CUL5: variants seen among roughly 807,000 people sequenced by gnomAD.
CUL5 encodes the protein cullin-5.
In CUL5, 26 loss-of-function variants were observed where a neutral mutation model predicts 108.8. The observed-to-expected ratio is 0.24, with a 90% CI of 0.18 to 0.33. The LOEUF (loss-of-function observed/expected upper bound fraction) is 0.33, where lower values mean the gene tolerates loss of function less well. Ranked by LOEUF, CUL5 falls within the 10% of genes least tolerant of loss-of-function variation. The pLI, the probability that CUL5 is intolerant of heterozygous loss-of-function variation, is 1.00. For synonymous variants in CUL5, 334 were observed against 298.0 expected (o/e 1.12, Z -1.25); for missense variants, 524 against 909.2 (o/e 0.58, Z 5.45).
intron 11 of CUL5, among the ~76,000 whole-genome samples, chr11:108,081,645 G>A (rs1285210935): frequency 6.6e-6 from 1 of 152,050 alleles, no homozygotes; most frequent in East Asian, 1.9e-4. Flanking sequence ...CCAGCTACTC[G>A]GGAGGCTGAG....
intron 1 of CUL5, among the ~76,000 whole-genome samples, chr11:108,019,677 C>T (rs1862282739): frequency 6.6e-6 from 1 of 152,012 alleles, no homozygotes; most frequent in African/African-American, 2.4e-5. Context: ...AAGTCTAGCA[C>T]ATATAATTGT....
intron 1 of CUL5, among the ~76,000 whole-genome samples, chr11:108,027,655 C>T (rs893959394): frequency 4.6e-5 from 7 of 152,090 alleles, no homozygotes; most frequent in South Asian, 2.1e-4. Flanking sequence ...GTGACCCGCC[C>T]GCCTCAGCCT....
chr11:108,059,089 T>C (rs938389256), intron 7 of CUL5, among the ~76,000 whole-genome samples: 4 of 152,218 alleles, frequency 2.6e-5, no homozygotes, highest in African/African-American at 7.2e-5. Flanking sequence ...CATAGTGCAC[T>C]GCATTCTCGA....
At chr11:108,048,571 A>G (rs1050174928) in intron 3 of CUL5, among the ~76,000 whole-genome samples, 3 of 150,850 alleles carry the variant, frequency 2.0e-5, no homozygotes, top group Admixed American at 6.6e-5. Flanking sequence ...TCACTGTTAC[A>G]TCGGTGGCAT....
chr11:108,072,785 C>G (rs189343870), intron 9 of CUL5, among the ~76,000 whole-genome samples: 25 of 152,108 alleles, frequency 1.6e-4, no homozygotes, highest in Admixed American at 4.6e-4. Context: ...TATATACATG[C>G]ATTGAAATAT....
intron 7 of CUL5, among the ~76,000 whole-genome samples, chr11:108,064,121 T>C (rs11212501): frequency 6.6e-6 from 1 of 152,302 alleles, no homozygotes; most frequent in East Asian, 1.9e-4. Context: ...AGAAGAAAGA[T>C]TTTTAGTTTT....
At chr11:108,077,636 A>AG (rs957537622) in intron 10 of CUL5, among the ~76,000 whole-genome samples, 13 of 151,170 alleles carry the variant, frequency 8.6e-5, no homozygotes, top group Non-Finnish European at 1.8e-4. Context: ...TCTCCAAAAA[A>AG]AAAAAAAGAA....
rs770834911 is a variant in CUL5, at chr11:108,054,982, T to G, written c.780+27T>G. ...TAAGTAATTTTGTAATTGTACATTTTATGGGATTATTTGAAATACGGAAGC... is the reference window on the plus strand; with the variant it reads ...TAAGTAATTTTGTAATTGTACATTTGATGGGATTATTTGAAATACGGAAGC... On this transcript the variant is annotated intron_variant, in intron 7 of 18. Transcript: ENST00000393094. 6.2e-6 allele frequency: 9 copies of G among 1,461,156 alleles called. No homozygotes were observed. In the South Asian group the frequency reaches 1.1e-4, roughly 18 times the overall value. 90.5% of individuals were successfully genotyped at this position (1,461,156 alleles called of 1,614,324 possible).
intron 14 of CUL5, 79 bp downstream of exon 14, chr11:108,094,593 C>T: frequency 1.1e-6 from 1 of 942,380 alleles, no homozygotes; most frequent in Admixed American, 3.3e-5. Context: ...AAAAATAAAC[C>T]TCAGCAGTAA....
Position 108,009,159 on chromosome 11 carries a change from G to A in CUL5, c.-190G>A, listed in dbSNP as rs896367710. The A allele has an allele frequency of 7.9e-6, 5 of 632,870 alleles. No individual in the cohort carries two copies. The highest frequency in any genetic ancestry group is 3.7e-5 in the African/African-American group (2 of 54,058). 39.2% of individuals were successfully genotyped at this position (632,870 alleles called of 1,614,324 possible). A position where few individuals can be genotyped will look rare whatever the true frequency, so the allele number is the denominator to read the frequency against. On this transcript the variant is annotated 5_prime_UTR_variant, in exon 1 of 19. Transcript: ENST00000393094. ...GGGAAGCTCCGGTGACCATGTAGGG[G>A]AGAAGAGTGAGGAAGCTCCTGGTGC...
chr11:108,064,711 AAAAACAAAAAC>A (rs1465928101), intron 7 of CUL5, among the ~76,000 whole-genome samples: 1 of 152,144 alleles, frequency 6.6e-6, no homozygotes, highest in East Asian at 1.9e-4. Context: ...CTCTGTCTCA[AAAAACAAAAAC>A]AAAACAAAAC....
chr11:108,011,624 T>C (rs1221953290), intron 1 of CUL5, among the ~76,000 whole-genome samples: 2 of 151,772 alleles, frequency 1.3e-5, no homozygotes, highest in Non-Finnish European at 2.9e-5. Context: ...TTTCTTTCTT[T>C]TTAATTTTTT....
intron 18 of CUL5, among the ~76,000 whole-genome samples, chr11:108,103,818 T>A (rs1322285729): frequency 2.0e-5 from 3 of 152,206 alleles, no homozygotes; most frequent in African/African-American, 2.4e-5. Flanking sequence ...AGATTTTTTT[T>A]AAATACATAC....
At chr11:108,082,752 A>C (rs1237231905) in intron 11 of CUL5, among the ~76,000 whole-genome samples, 9 of 150,916 alleles carry the variant, frequency 6.0e-5, no homozygotes, top group Non-Finnish European at 1.0e-4. Context: ...TCAAGCCTCC[A>C]CCTTCTGAGT....
intron 16 of CUL5, among the ~76,000 whole-genome samples, chr11:108,096,564 CTTTTT>C (rs71047671): frequency 8.7e-5 from 4 of 45,820 alleles, no homozygotes; most frequent in Admixed American, 4.1e-4. Flanking sequence ...CAGCTATGTA[CTTTTT>C]TTTTTTTTTT....
intron 13 of CUL5, among the ~76,000 whole-genome samples, chr11:108,091,160 T>A (rs1340656471): frequency 1.3e-5 from 2 of 152,022 alleles, no homozygotes; most frequent in Non-Finnish European, 2.9e-5. Context: ...CAAGCAATTC[T>A]CCTGTCTCAG....
chr11:108,050,090 T>C (rs772467577), intron 4 of CUL5, 24 bp downstream of exon 4: 6 of 1,536,352 alleles, frequency 3.9e-6, no homozygotes, highest in Non-Finnish European at 5.3e-6. Context: ...TCTCCTTGTT[T>C]TCCTAATATT....
At chr11:108,065,250 C>T (rs1041418521) in intron 7 of CUL5, among the ~76,000 whole-genome samples, 4 of 152,184 alleles carry the variant, frequency 2.6e-5, no homozygotes, top group Middle Eastern at 3.4e-3. Context: ...TGGTCTCTCT[C>T]CTGACCTCAT....
intron 3 of CUL5, among the ~76,000 whole-genome samples, chr11:108,047,049 A>T (rs989424178): frequency 6.6e-6 from 1 of 151,996 alleles, no homozygotes; most frequent in South Asian, 2.1e-4. Context: ...AGGGCACAGT[A>T]GCTCAGGCCT....
Sources: allele counts gnomAD v4.1 joint callset (sites outside exome capture counted in the v4.1 genomes callset), GRCh38; gene constraint gnomAD v4.1.1; transcripts MANE v1.5; gene names NCBI Gene and HGNC (gene_info 2026-07-23, HGNC 2026-07-21).